THSD7B: variants seen among roughly 807,000 people sequenced by gnomAD.
THSD7B encodes thrombospondin type-1 domain-containing protein 7B.
A neutral mutation model predicts 213.6 loss-of-function variants in THSD7B; 138 were observed. That is an observed-to-expected ratio of 0.65 (90% confidence interval 0.56 to 0.74). The LOEUF is 0.74. THSD7B is among the 30% of genes least tolerant of loss of function. The probability of loss-of-function intolerance (pLI) is 0.00; values close to 1 mark genes in which losing one functional copy is unlikely to be tolerated. For synonymous variants in THSD7B, 742 were observed against 687.0 expected (o/e 1.08, Z -1.25); for missense variants, 1,931 against 1,991.5 (o/e 0.97, Z 0.58).
At chr2:137,278,313 T>C (rs1682918433) in intron 12 of THSD7B, among the ~76,000 whole-genome samples, 1 of 152,112 alleles carries the variant, frequency 6.6e-6, no homozygotes, top group South Asian at 2.1e-4. Context: ...CACCATGATC[T>C]CTCACCCAGA....
intron 12 of THSD7B, among the ~76,000 whole-genome samples, chr2:137,361,314 C>A (rs772497732): frequency 6.6e-6 from 1 of 152,242 alleles, no homozygotes; most frequent in South Asian, 2.1e-4. Flanking sequence ...AAAACCAGAG[C>A]GCCCCTTCTC....
intron 25 of THSD7B, among the ~76,000 whole-genome samples, chr2:137,660,210 C>T (rs188591798): frequency 6.2e-4 from 93 of 150,744 alleles, no homozygotes; most frequent in African/African-American, 2.1e-3. Flanking sequence ...TATGGGGTGG[C>T]GGTTATGCAT....
At chr2:137,183,090 G>A (rs1427124401) in intron 7 of THSD7B, among the ~76,000 whole-genome samples, 3 of 152,116 alleles carry the variant, frequency 2.0e-5, no homozygotes, top group Non-Finnish European at 4.4e-5. Context: ...ACTGATTTCA[G>A]GCAATTGATT....
chr2:137,222,497 C>G (rs1681393246), intron 7 of THSD7B, among the ~76,000 whole-genome samples: 1 of 152,122 alleles, frequency 6.6e-6, no homozygotes, highest in Admixed American at 6.6e-5. Context: ...CTGCAAAACT[C>G]TCATGAGAAA....
At chr2:136,834,226 C>T (rs1339825699) in intron 1 of THSD7B, among the ~76,000 whole-genome samples, 1 of 152,190 alleles carries the variant, frequency 6.6e-6, no homozygotes, top group South Asian at 2.1e-4. Context: ...AGCATCTATC[C>T]TGTTGGTGGT....
At chr2:137,397,163 C>T (rs1276091391) in intron 12 of THSD7B, among the ~76,000 whole-genome samples, 1 of 151,780 alleles carries the variant, frequency 6.6e-6, no homozygotes, top group Non-Finnish European at 1.5e-5. Flanking sequence ...AGTCCATTTA[C>T]ATTTAAAGTT....
intron 20 of THSD7B, among the ~76,000 whole-genome samples, chr2:137,638,946 G>C (rs1324946093): frequency 2.0e-5 from 3 of 151,820 alleles, no homozygotes; most frequent in Non-Finnish European, 4.4e-5. Flanking sequence ...CATTTTAGAA[G>C]AGAAACAGAG....
At chr2:137,287,188 A>T (rs1312113944) in intron 12 of THSD7B, among the ~76,000 whole-genome samples, 1 of 152,114 alleles carries the variant, frequency 6.6e-6, no homozygotes, top group Non-Finnish European at 1.5e-5. Flanking sequence ...TTAGCACTTG[A>T]TACCAAATGA....
intron 17 of THSD7B, among the ~76,000 whole-genome samples, chr2:137,602,253 TTTTTTG>T (rs1344547568): frequency 3.3e-5 from 5 of 152,080 alleles, no homozygotes; most frequent in Non-Finnish European, 2.9e-5. Flanking sequence ...TCTTTCTCGT[TTTTTTG>T]TTTTTGTTTT....
intron 15 of THSD7B, among the ~76,000 whole-genome samples, chr2:137,552,480 C>A (rs973998664): frequency 6.6e-6 from 1 of 151,958 alleles, no homozygotes; most frequent in African/African-American, 2.4e-5. Context: ...CCTTTTTTTC[C>A]TGTTAGTAAG....
chr2:137,094,734 T>C, intron 3 of THSD7B, 139 bp from the exon 4 acceptor site: 1 of 1,007,270 alleles, frequency 9.9e-7, no homozygotes, highest in African/African-American at 1.6e-5. Context: ...TTTCATGATG[T>C]CTCTAAAATT....
chr2:137,506,291 T>G (rs778470455), intron 15 of THSD7B, among the ~76,000 whole-genome samples: 1 of 152,192 alleles, frequency 6.6e-6, no homozygotes, highest in Non-Finnish European at 1.5e-5. Flanking sequence ...CTCAGATGCC[T>G]CTTCTTCAAA....
intron 25 of THSD7B, 55 bp from the exon 26 acceptor site, chr2:137,663,328 T>C: frequency 7.4e-7 from 1 of 1,356,960 alleles, no homozygotes; most frequent in South Asian, 1.8e-5. Context: ...TATATTTTTA[T>C]TCATTCACCT....
At chr2:137,080,168 A>ATGTGTGTGTGTG (rs36115074) in intron 3 of THSD7B, among the ~76,000 whole-genome samples, 1 of 148,204 alleles carries the variant, frequency 6.7e-6, no homozygotes, top group African/African-American at 2.5e-5. Context: ...ATGTAAATAT[A>ATGTGTGTGTGTG]TGTGTGTGTG....
chr2:137,525,453 CTAGT>C (rs1350952232), intron 15 of THSD7B, among the ~76,000 whole-genome samples: 3 of 152,120 alleles, frequency 2.0e-5, no homozygotes, highest in African/African-American at 7.2e-5. Flanking sequence ...TTTCCAAAAG[CTAGT>C]TACTTATACT....
chr2:137,039,662 A>G (rs1354416395), intron 2 of THSD7B, among the ~76,000 whole-genome samples: 2 of 152,184 alleles, frequency 1.3e-5, no homozygotes, highest in Admixed American at 1.3e-4. Flanking sequence ...TTATATGCCT[A>G]CAAGATGAGA....
At chr2:137,428,417 A>G (rs1687105696) in intron 14 of THSD7B, among the ~76,000 whole-genome samples, 1 of 152,182 alleles carries the variant, frequency 6.6e-6, no homozygotes, top group Non-Finnish European at 1.5e-5. Context: ...ACATAGAATT[A>G]CCATATGACC....
At chr2:137,178,188 T>TTTTTC (rs1680394143) in intron 7 of THSD7B, among the ~76,000 whole-genome samples, 1 of 146,038 alleles carries the variant, frequency 6.8e-6, no homozygotes, top group Non-Finnish European at 1.5e-5. Context: ...GTGAGTAAAT[T>TTTTTC]TTTTTTTTTT....
intron 3 of THSD7B, among the ~76,000 whole-genome samples, chr2:137,089,049 GA>G (rs1199947483): frequency 1.3e-5 from 2 of 152,088 alleles, no homozygotes; most frequent in African/African-American, 4.8e-5. Flanking sequence ...TAACCACTAT[GA>G]AAAACAGTGT....
Sources: allele counts gnomAD v4.1 joint callset (sites outside exome capture counted in the v4.1 genomes callset), GRCh38; gene constraint gnomAD v4.1.1; transcripts MANE v1.5; gene names NCBI Gene and HGNC (gene_info 2026-07-23, HGNC 2026-07-21).